The following DMD variants were observed in gnomAD, a reference collection of about 807,000 sequenced individuals.
DMD encodes the protein mutant dystrophin.
A neutral mutation model predicts 330.1 loss-of-function variants in DMD; 63 were observed. That is an observed-to-expected ratio of 0.19 (90% CI 0.16 to 0.24). The LOEUF is 0.24. Among genes scored for constraint, DMD ranks in the 10% least tolerant of loss-of-function variants. The probability of loss-of-function intolerance (pLI) is 1.00; values close to 1 mark genes in which losing one functional copy is unlikely to be tolerated. For missense variants in DMD, 3,344 were observed against 2,684.1 expected, an observed-to-expected ratio of 1.25 and a Z score of -5.43; for synonymous variants, 1,223 against 959.8, an observed-to-expected ratio of 1.27 and a Z score of -5.07.
chrX:32,913,158 C>T (rs2087452030), intron 2 of DMD, among the ~76,000 whole-genome samples: 1 of 111,341 alleles, frequency 9.0e-6, no homozygotes, highest in Non-Finnish European at 1.9e-5. Flanking sequence ...AAACGATTTT[C>T]CCCCTAGTTT....
chrX:32,694,636 C>T (rs1202654101), intron 9 of DMD, among the ~76,000 whole-genome samples: 3 of 106,161 alleles, frequency 2.8e-5, no homozygotes, highest in Non-Finnish European at 5.6e-5. Flanking sequence ...TTAAAAGGCT[C>T]ATATCATACC....
chrX:31,577,648 G>T (rs755621303), intron 55 of DMD, among the ~76,000 whole-genome samples: 1 of 112,280 alleles, frequency 8.9e-6, no homozygotes, highest in Admixed American at 9.4e-5. Context: ...TAATGGTTAA[G>T]TGAAGGGTTT....
At chrX:31,624,260 C>A (rs768303926) in intron 55 of DMD, among the ~76,000 whole-genome samples, 5 of 111,598 alleles carry the variant, frequency 4.5e-5, no homozygotes, top group Admixed American at 9.5e-5. Flanking sequence ...ATAAGAAACA[C>A]CCCCTTATCC....
chrX:32,339,998 T>C, intron 41 of DMD, among the ~76,000 whole-genome samples: 1 of 111,906 alleles, frequency 8.9e-6, no homozygotes, highest in Non-Finnish European at 1.9e-5. Context: ...CACAAATGAC[T>C]CTAGGGCGTA....
In DMD at chrX:31,955,405, C is replaced by T. The variant is rs139349683; in HGVS notation, c.6614+12934G>A. On this transcript the variant is annotated intron_variant, in intron 45 of 78. Transcript: ENST00000357033. Reference sequence around the variant, plus strand: ...TAACAATAAGGGAAAAGGCACAGATCTGGGTCTAAATCACTGACTTTTAGT... The same window carrying T: ...TAACAATAAGGGAAAAGGCACAGATTTGGGTCTAAATCACTGACTTTTAGT... Among the ~76,000 whole-genome samples, 426 of 112,008 alleles carry T rather than the reference C, an allele frequency of 3.8e-3. 4 individuals carry two copies. Among genetic ancestry groups the T allele is most frequent in the African/African-American group, 0.013 (409 of 30,834 alleles).
intron 3 of DMD, among the ~76,000 whole-genome samples, chrX:32,846,386 T>G (rs1385083985): frequency 9.0e-6 from 1 of 111,481 alleles, no homozygotes; most frequent in Non-Finnish European, 1.9e-5. Context: ...TATTTCTGTG[T>G]CTTGCATTTA....
At chrX:33,298,811 C>T (rs1208385663) in intron 1 of DMD, among the ~76,000 whole-genome samples, 2 of 111,506 alleles carry the variant, frequency 1.8e-5, no homozygotes, top group African/African-American at 6.5e-5. Context: ...GTAAAACATT[C>T]AATGGCTCTT....
chrX:31,624,116 T>C (rs1419394794), intron 55 of DMD, among the ~76,000 whole-genome samples: 11 of 112,056 alleles, frequency 9.8e-5, no homozygotes, highest in Middle Eastern at 4.6e-3. Context: ...ATTACGAATA[T>C]AGTTTTTTTA....
At chrX:31,950,508 T>C (rs1193438534) in intron 45 of DMD, among the ~76,000 whole-genome samples, 1 of 110,851 alleles carries the variant, frequency 9.0e-6, no homozygotes, top group African/African-American at 3.3e-5. Flanking sequence ...GTCAAGCTGG[T>C]TGATAGTGTT....
At chrX:32,873,089 T>C (rs757911482) in intron 2 of DMD, among the ~76,000 whole-genome samples, 3 of 111,442 alleles carry the variant, frequency 2.7e-5, no homozygotes, top group Non-Finnish European at 1.9e-5. Context: ...ATTCTTTTAG[T>C]TCCCTTTTTG....
intron 9 of DMD, among the ~76,000 whole-genome samples, chrX:32,671,058 A>G (rs1483127787): frequency 2.7e-5 from 3 of 111,047 alleles, no homozygotes; most frequent in Non-Finnish European, 5.7e-5. Flanking sequence ...TTTATGTTGG[A>G]ACACAATTTA....
At chrX:32,336,312 A>C (rs1229106625) in intron 41 of DMD, among the ~76,000 whole-genome samples, 1 of 111,769 alleles carries the variant, frequency 8.9e-6, no homozygotes, top group Admixed American at 9.5e-5. Context: ...CACCACGCCC[A>C]GCCAAGGACT....
At chrX:31,913,726 AC>A (rs1475118643) in intron 47 of DMD, among the ~76,000 whole-genome samples, 13 of 99,437 alleles carry the variant, frequency 1.3e-4, no homozygotes, top group African/African-American at 5.6e-4. Flanking sequence ...TTGAAAAAAA[AC>A]AAAAACAAAA....
intron 7 of DMD, among the ~76,000 whole-genome samples, chrX:32,806,931 C>A (rs1182562511): frequency 9.2e-6 from 1 of 108,977 alleles, no homozygotes; most frequent in African/African-American, 3.4e-5. Flanking sequence ...ATCTCTGGGA[C>A]ACAGCTAAAG....
At chrX:31,481,890 TGCA>T (rs1354878811) in intron 57 of DMD, among the ~76,000 whole-genome samples, 1 of 111,609 alleles carries the variant, frequency 9.0e-6, no homozygotes, top group Non-Finnish European at 1.9e-5. Flanking sequence ...AGCTGGTTTC[TGCA>T]GAAGCTGGAA....
chrX:32,649,559 TAAAAAAAAAAAAAA>T (rs1161462889), intron 9 of DMD, among the ~76,000 whole-genome samples: 3 of 54,252 alleles, frequency 5.5e-5, no homozygotes, highest in South Asian at 1.9e-3. Flanking sequence ...CCGTCTCTTT[TAAAAAAAAAAAAAA>T]AAAAAAAAAA....
At chrX:32,534,532 C>T (rs966921853) in intron 17 of DMD, among the ~76,000 whole-genome samples, 4 of 111,319 alleles carry the variant, frequency 3.6e-5, no homozygotes, top group Admixed American at 1.9e-4. Flanking sequence ...CAGAAGCAGA[C>T]GCCACCATGC....
intron 1 of DMD, among the ~76,000 whole-genome samples, chrX:33,087,558 T>C (rs2095026345): frequency 8.9e-6 from 1 of 112,235 alleles, no homozygotes; most frequent in Admixed American, 9.5e-5. Context: ...ATTCATTCTG[T>C]TCAGTACAAT....
chrX:31,272,986 G>A (rs771934352), intron 62 of DMD, among the ~76,000 whole-genome samples: 3 of 111,514 alleles, frequency 2.7e-5, no homozygotes, highest in Admixed American at 9.5e-5. Flanking sequence ...TTTTAGTTAT[G>A]TTCTTATTTT....
Sources: gnomAD v4.1 joint callset for allele counts (sites outside exome capture counted in the v4.1 genomes callset) on GRCh38, gnomAD v4.1.1 for gene constraint, MANE v1.5 for transcripts, NCBI Gene and HGNC (gene_info 2026-07-23, HGNC 2026-07-21) for gene names.